CALN1: variants seen among roughly 807,000 people sequenced by gnomAD.
CALN1 encodes calneuron 1, also known as calcium-binding protein 8.
Under a neutral mutation model 30.6 loss-of-function variants are expected in CALN1, and 17 were observed. The ratio of observed to expected loss-of-function variants is 0.56; its 90% confidence interval spans 0.38 to 0.83. The LOEUF is 0.83. Among genes scored for constraint, CALN1 ranks in the 40% least tolerant of loss-of-function variants. CALN1 has a pLI of 0.00. For missense variants in CALN1, 291 were observed against 354.9 expected, an observed-to-expected ratio of 0.82 and a Z score of 1.45; for synonymous variants, 156 against 131.4, an observed-to-expected ratio of 1.19 and a Z score of -1.28.
chr7:72,230,765 T>C (rs939765802), intron 3 of CALN1, among the ~76,000 whole-genome samples: 1 of 152,138 alleles, frequency 6.6e-6, no homozygotes, highest in East Asian at 1.9e-4. Context: ...GATAATAAAT[T>C]CGTATTCTGT....
intron 5 of CALN1, among the ~76,000 whole-genome samples, chr7:71,993,234 G>T (rs1476858094): frequency 6.6e-6 from 1 of 152,114 alleles, no homozygotes; most frequent in Non-Finnish European, 1.5e-5. Flanking sequence ...CACCTTGACT[G>T]CCCATTTTTG....
chr7:72,456,626 C>A, the CALN1 span, among the ~76,000 whole-genome samples: 27 of 152,204 alleles, frequency 1.8e-4, no homozygotes, highest in Admixed American at 7.2e-4. Flanking sequence ...CCGAGGCTGG[C>A]AGACTGCTTG....
At chr7:72,122,731 A>C (rs1030604068) in intron 3 of CALN1, among the ~76,000 whole-genome samples, 1 of 152,172 alleles carries the variant, frequency 6.6e-6, no homozygotes, top group African/African-American at 2.4e-5. Flanking sequence ...GCCTCTAAGA[A>C]ACAAGCAAAC....
At chr7:72,489,508 A>C in the CALN1 span, among the ~76,000 whole-genome samples, 1 of 152,060 alleles carries the variant, frequency 6.6e-6, no homozygotes, top group African/African-American at 2.4e-5. Context: ...ACTCTATTAA[A>C]GTGACTGAAT....
chr7:72,028,254 G>T (rs901739049), intron 4 of CALN1, among the ~76,000 whole-genome samples: 27 of 141,900 alleles, frequency 1.9e-4, no homozygotes, highest in Non-Finnish European at 3.1e-4. Context: ...CTTCAAGGTA[G>T]CAAGAGGAGC....
At chr7:72,028,784 A>G (rs1223165837) in intron 4 of CALN1, among the ~76,000 whole-genome samples, 2 of 152,158 alleles carry the variant, frequency 1.3e-5, no homozygotes, top group Non-Finnish European at 2.9e-5. Context: ...TGAGGTCAGG[A>G]GTTTGAGACC....
At chr7:72,423,856 G>A (rs1260956874) in intron 1 of CALN1, among the ~76,000 whole-genome samples, 1 of 142,762 alleles carries the variant, frequency 7.0e-6, no homozygotes, top group Non-Finnish European at 1.5e-5. Context: ...AAAGAAAAAA[G>A]AAAAGAAAGA....
chr7:71,963,592 A>G lies in CALN1; in HGVS notation c.501+60065T>C, dbSNP rs368972156. On this transcript the variant is annotated intron_variant, in intron 5 of 6. Transcript: ENST00000395275. ...AGTGCTGGGATTACAGGTATGAGCC[A>G]CCGTGCCCAGCCTAGGAAACTTTTT... is the stretch of plus-strand genomic sequence containing the variant. 3.2e-4 allele frequency among the ~76,000 whole-genome samples: 48 copies of G among 152,318 alleles called. No homozygotes were observed. In the South Asian group the frequency reaches 8.9e-3, roughly 28 times the overall value.
chr7:72,043,556 G>A (rs1016300843), intron 4 of CALN1, among the ~76,000 whole-genome samples: 2 of 152,072 alleles, frequency 1.3e-5, no homozygotes, highest in African/African-American at 2.4e-5. Flanking sequence ...ATTGCTTGAG[G>A]CCAGGAGTTT....
intron 5 of CALN1, among the ~76,000 whole-genome samples, chr7:71,815,312 T>A (rs773215281): frequency 5.9e-5 from 9 of 152,304 alleles, no homozygotes; most frequent in Non-Finnish European, 1.0e-4. Context: ...TAGGAGAGGA[T>A]GATATCTCCT....
chr7:72,215,865 C>G (rs112270041), intron 3 of CALN1, among the ~76,000 whole-genome samples: 3 of 152,256 alleles, frequency 2.0e-5, no homozygotes, highest in African/African-American at 4.8e-5. Flanking sequence ...GGCCATGGGA[C>G]TTGGTCCCGG....
At chr7:72,404,299 T>A (rs985079970) in intron 1 of CALN1, among the ~76,000 whole-genome samples, 5 of 152,236 alleles carry the variant, frequency 3.3e-5, no homozygotes, top group African/African-American at 1.2e-4. Flanking sequence ...ATGCACACTG[T>A]GTGGCATTTA....
At chr7:71,809,554 T>C (rs916670186) in intron 6 of CALN1, among the ~76,000 whole-genome samples, 1 of 151,652 alleles carries the variant, frequency 6.6e-6, no homozygotes, top group East Asian at 1.9e-4. Context: ...TAGCCTGCTA[T>C]ATGATGTTTT....
chr7:72,097,225 G>A (rs1440544615), intron 4 of CALN1, among the ~76,000 whole-genome samples: 1 of 152,128 alleles, frequency 6.6e-6, no homozygotes, highest in Non-Finnish European at 1.5e-5. Context: ...GAATTAATAG[G>A]TGCAGCACAC....
intron 2 of CALN1, among the ~76,000 whole-genome samples, chr7:72,364,750 G>A (rs369183697): frequency 2.0e-5 from 3 of 152,196 alleles, no homozygotes; most frequent in Non-Finnish European, 4.4e-5. Flanking sequence ...ATCATCCCAC[G>A]TTGTATTCAT....
chr7:72,288,411 G>C (rs1484169317), intron 2 of CALN1, among the ~76,000 whole-genome samples: 1 of 152,146 alleles, frequency 6.6e-6, no homozygotes, highest in Admixed American at 6.5e-5. Context: ...CTTGGTCTTG[G>C]AAATCACACA....
chr7:72,464,491 C>A, the CALN1 span, among the ~76,000 whole-genome samples: 1 of 152,178 alleles, frequency 6.6e-6, no homozygotes, highest in Non-Finnish European at 1.5e-5. Flanking sequence ...CCAAGGGAAC[C>A]CACTGCTAGC....
At chr7:71,906,403 G>A (rs1045489505) in intron 5 of CALN1, among the ~76,000 whole-genome samples, 1 of 152,190 alleles carries the variant, frequency 6.6e-6, no homozygotes, top group African/African-American at 2.4e-5. Flanking sequence ...GTGGGGAGAT[G>A]CAGATGGAAT....
intron 4 of CALN1, among the ~76,000 whole-genome samples, chr7:72,059,268 C>A (rs1196061749): frequency 1.3e-5 from 2 of 152,108 alleles, no homozygotes; most frequent in African/African-American, 4.8e-5. Context: ...CTTTTTCCTG[C>A]CACTTACCTG....
Sources: gnomAD v4.1 joint callset for allele counts (sites outside exome capture counted in the v4.1 genomes callset) on GRCh38, gnomAD v4.1.1 for gene constraint, MANE v1.5 for transcripts, NCBI Gene and HGNC (gene_info 2026-07-23, HGNC 2026-07-21) for gene names.